Variants in HPS5 observed in about 807,000 individuals in gnomAD.
HPS5 encodes the protein BLOC-2 complex member HPS5.
HPS5 carries 83 observed loss-of-function variants against 128.0 expected under a neutral mutation model. That is an observed-to-expected ratio of 0.65 (90% confidence interval 0.54 to 0.78). The LOEUF (loss-of-function observed/expected upper bound fraction) is 0.78. HPS5 is among the 30% of genes least tolerant of loss of function. HPS5 has a pLI of 0.00. For synonymous variants in HPS5, 475 were observed against 470.2 expected, an observed-to-expected ratio of 1.01 and a Z score of -0.13; for missense variants, 1,281 against 1,326.2, an observed-to-expected ratio of 0.97 and a Z score of 0.53.
intron 6 of HPS5, 151 bp from the exon 7 acceptor site, chr11:18,306,498 G>A: frequency 1.6e-6 from 1 of 628,166 alleles, no homozygotes; most frequent in East Asian, 2.7e-5. Context: ...CAATAGAATG[G>A]AAAGATCAAA....
intron 1 of HPS5, among the ~76,000 whole-genome samples, chr11:18,319,707 G>C (rs779427507): frequency 6.6e-6 from 1 of 152,144 alleles, no homozygotes; most frequent in Non-Finnish European, 1.5e-5. Flanking sequence ...TGCTGTGGGT[G>C]GTTAGATGCT....
intron 21 of HPS5, among the ~76,000 whole-genome samples, chr11:18,282,528 A>G (rs1590043934): frequency 6.6e-6 from 1 of 151,816 alleles, no homozygotes; most frequent in African/African-American, 2.4e-5. Context: ...GCAGCCTCCC[A>G]AAGTGCTGGG....
In HPS5 at chr11:18,304,463, G is replaced by A. The variant is rs1235885391; in HGVS notation, c.896+959C>T. 2.6e-5 allele frequency among the ~76,000 whole-genome samples: 4 copies of A among 152,082 alleles called. No homozygotes were observed. In the East Asian group the frequency reaches 5.8e-4, roughly 22 times the overall value. ...ACTCCCGACCTCAGAAGATCTGTCC[G>A]CCTCGGTCTCCCAAATTGCTGGGAT... On this transcript the variant is annotated intron_variant, in intron 8 of 22. Transcript: ENST00000349215.
chr11:18,309,070 C>G lies in HPS5; in HGVS notation c.487G>C (p.Ala163Pro). Residue 163 changes from alanine to proline, a missense_variant, in exon 6 of 23, where the codon GCT becomes CCT. Coordinates refer to ENST00000349215, the MANE Select transcript of HPS5 (RefSeq NM_181507.2). ...NTSKQAKAAAAFVMFPVQTIT... is the reference protein window; with the variant it reads ...NTSKQAKAAAPFVMFPVQTIT... ...GTCTGAACAGGAAACATCACAAAAG[C>G]AGCAGCTGCCTAAAAGGAATGTGAG... 6.2e-7 allele frequency: 1 copy of G among 1,613,898 alleles called. No homozygotes were observed. Among genetic ancestry groups the G allele is most frequent in the Non-Finnish European group, 8.5e-7 (1 of 1,179,856 alleles).
intron 8 of HPS5, among the ~76,000 whole-genome samples, chr11:18,303,345 G>A (rs971224744): frequency 2.6e-5 from 4 of 152,164 alleles, no homozygotes; most frequent in African/African-American, 4.8e-5. Flanking sequence ...CAATGATAAA[G>A]GAATGAATAT....
At chr11:18,311,511 ATTTTTT>A in intron 3 of HPS5, 60 bp from the exon 4 acceptor site, 1 of 530,688 alleles carries the variant, frequency 1.9e-6, no homozygotes, top group Non-Finnish European at 2.9e-6. Flanking sequence ...TATTATTATT[ATTTTTT>A]TTTTTTTTTT....
rs1025789474 is a variant in HPS5 at position 18,307,047 on chromosome 11, T to C, written c.612-700A>G. On this transcript the variant is annotated intron_variant, in intron 6 of 22. Coordinates refer to ENST00000349215, the MANE Select transcript of HPS5 (RefSeq NM_181507.2). ...TTTCCTTGATTCCCATATATGGAAT[T>C]ACACGCTTCCTATGCTTTGCTTTCA... 3.3e-5 allele frequency among the ~76,000 whole-genome samples: 5 copies of C among 152,352 alleles called. No individual in the cohort carries two copies. The East Asian group carries it at 9.6e-4, about 29-fold the overall frequency.
Position 18,283,890 on chromosome 11 carries a change from C to G in HPS5, c.2963G>C (p.Gly988Ala). The G allele has an allele frequency of 6.2e-7, 1 of 1,612,142 alleles. No homozygotes were observed. Among genetic ancestry groups the G allele is most frequent in the Non-Finnish European group, 8.5e-7 (1 of 1,178,752 alleles). Residue 988 changes from glycine (G) to alanine (A), a missense_variant, in exon 21 of 23, where the codon GGA becomes GCA. Physicochemically the swap from Gly to Ala is moderately conservative, Grantham distance 60. Coordinates refer to ENST00000349215, the MANE Select transcript of HPS5 (RefSeq NM_181507.2). ...CAGCTCCAAACAGAGAATTAGATAT[C>G]CAGGCCAGAAACTTTAAAGAGACCG... ...DICRSCGFWPGYLILCLELER... is the reference protein window; with the variant it reads ...DICRSCGFWPAYLILCLELER...
chr11:18,320,762 T>C (rs773025740), intron 1 of HPS5, among the ~76,000 whole-genome samples: 1 of 152,198 alleles, frequency 6.6e-6, no homozygotes, highest in Non-Finnish European at 1.5e-5. Context: ...CTTAAGTAGT[T>C]AGATGAGCCC....
At chr11:18,290,192 T>C (rs1046860806) in intron 16 of HPS5, among the ~76,000 whole-genome samples, 2 of 152,128 alleles carry the variant, frequency 1.3e-5, no homozygotes, top group African/African-American at 2.4e-5. Flanking sequence ...CTGAAAATAA[T>C]GGAAGGAACT....
intron 2 of HPS5, among the ~76,000 whole-genome samples, chr11:18,312,425 T>C (rs1863119175): frequency 6.6e-6 from 1 of 152,194 alleles, no homozygotes. Flanking sequence ...TCATTTCTAA[T>C]CTGTACAAAC....
At chr11:18,286,748 T>A (rs527845433) in intron 18 of HPS5, 38 bp from the exon 19 acceptor site, 2 of 1,612,106 alleles carry the variant, frequency 1.2e-6, no homozygotes, top group Non-Finnish European at 1.7e-6. Flanking sequence ...CCAATCTTCA[T>A]GCTAAGAAAG....
intron 5 of HPS5, among the ~76,000 whole-genome samples, chr11:18,310,487 G>A (rs962506331): frequency 1.3e-5 from 2 of 152,192 alleles, no homozygotes; most frequent in African/African-American, 4.8e-5. Context: ...CCATGCAGGT[G>A]AATCAGGAAG....
At chr11:18,300,763 T>C in intron 9 of HPS5, 65 bp downstream of exon 9, 1 of 766,514 alleles carries the variant, frequency 1.3e-6, no homozygotes, top group Non-Finnish European at 2.2e-6. Context: ...TACAAGAGAA[T>C]GCTCCTACAA....
intron 8 of HPS5, among the ~76,000 whole-genome samples, chr11:18,301,671 T>A (rs1861730405): frequency 6.6e-6 from 1 of 152,090 alleles, no homozygotes; most frequent in Non-Finnish European, 1.5e-5. Context: ...GTTAGTTGTG[T>A]GTGCGCAACA....
At chr11:18,295,862 A>T in intron 13 of HPS5, 137 bp downstream of exon 13, 1 of 905,690 alleles carries the variant, frequency 1.1e-6, no homozygotes, top group Non-Finnish European at 1.8e-6. Flanking sequence ...ATGAGAAGTT[A>T]ATAGCTCCAT....
chr11:18,300,240 T>A (rs1483310483), intron 9 of HPS5, among the ~76,000 whole-genome samples: 3 of 152,058 alleles, frequency 2.0e-5, no homozygotes, highest in Admixed American at 6.5e-5. Context: ...GGGGTACATA[T>A]TTATGTACCC....
intron 16 of HPS5, among the ~76,000 whole-genome samples, chr11:18,289,173 G>C (rs1860103339): frequency 6.6e-6 from 1 of 152,136 alleles, no homozygotes; most frequent in Non-Finnish European, 1.5e-5. Flanking sequence ...TTCATTTTCT[G>C]ATACATGCTT....
intron 8 of HPS5, 142 bp from the exon 9 acceptor site, chr11:18,301,058 C>A: frequency 1.5e-6 from 1 of 670,324 alleles, no homozygotes; most frequent in Admixed American, 2.4e-5. Context: ...CTAATCGAGT[C>A]CTAACAACTC....
Sources: allele counts gnomAD v4.1 joint callset (sites outside exome capture counted in the v4.1 genomes callset), GRCh38; gene constraint gnomAD v4.1.1; transcripts MANE v1.5; gene names NCBI Gene and HGNC (gene_info 2026-07-23, HGNC 2026-07-21).